The following CCNY variants were observed in gnomAD, a reference collection of about 807,000 sequenced individuals.
CCNY encodes cyclin-Y.
A neutral mutation model predicts 42.8 loss-of-function variants in CCNY; 19 were observed. The observed-to-expected ratio is 0.44, with a 90% CI of 0.31 to 0.65. The LOEUF is 0.65. Ranked by LOEUF, CCNY falls within the 30% of genes least tolerant of loss-of-function variation. The pLI is 0.07. For synonymous variants in CCNY, 165 were observed against 162.7 expected (o/e 1.01, Z -0.11); for missense variants, 370 against 437.3 (o/e 0.85, Z 1.37).
intron 1 of CCNY, among the ~76,000 whole-genome samples, chr10:35,338,813 A>T (rs1836110822): frequency 6.6e-6 from 1 of 152,214 alleles, no homozygotes; most frequent in Admixed American, 6.5e-5. Flanking sequence ...AAGAAAAAAA[A>T]GAAGATTTAC....
At chr10:35,541,030 G>T (rs112600231) in intron 7 of CCNY, among the ~76,000 whole-genome samples, 3 of 151,544 alleles carry the variant, frequency 2.0e-5, no homozygotes, top group African/African-American at 4.8e-5. Flanking sequence ...CTTTAATGTC[G>T]ATTACTTCCT....
chr10:35,476,040 G>A (rs1280147029), intron 1 of CCNY, among the ~76,000 whole-genome samples: 1 of 152,192 alleles, frequency 6.6e-6, no homozygotes, highest in East Asian at 1.9e-4. Context: ...AGGAGACAAG[G>A]CCATTACATA....
intron 1 of CCNY, among the ~76,000 whole-genome samples, chr10:35,352,658 C>T (rs748663079): frequency 6.6e-5 from 10 of 152,208 alleles, no homozygotes; most frequent in Non-Finnish European, 4.4e-5. Flanking sequence ...TTGGACCTTG[C>T]GCTTAAGGAC....
intron 1 of CCNY, among the ~76,000 whole-genome samples, chr10:35,401,810 G>T (rs1330576762): frequency 6.6e-6 from 1 of 152,228 alleles, no homozygotes; most frequent in South Asian, 2.1e-4. Flanking sequence ...TCTCAAGGGC[G>T]GGGAGAATTA....
At chr10:35,366,756 T>C (rs907089969) in intron 1 of CCNY, among the ~76,000 whole-genome samples, 9 of 152,216 alleles carry the variant, frequency 5.9e-5, no homozygotes, top group African/African-American at 1.9e-4. Context: ...ATATCTGCAC[T>C]GTCCAATGTG....
chr10:35,247,317 G>A (rs1343651013), intron 1 of CCNY, among the ~76,000 whole-genome samples: 3 of 152,218 alleles, frequency 2.0e-5, no homozygotes, highest in African/African-American at 7.2e-5. Flanking sequence ...AATAGGGCCA[G>A]GCACAGTGGC....
intron 3 of CCNY, among the ~76,000 whole-genome samples, chr10:35,291,166 C>T (rs1438878522): frequency 6.6e-6 from 1 of 152,042 alleles, no homozygotes; most frequent in Non-Finnish European, 1.5e-5. Context: ...CCACCACGCC[C>T]AGCTAATTTT....
At chr10:35,479,034 T>C (rs1352875574) in intron 1 of CCNY, among the ~76,000 whole-genome samples, 1 of 152,038 alleles carries the variant, frequency 6.6e-6, no homozygotes, top group Non-Finnish European at 1.5e-5. Flanking sequence ...ATCAGAGAAA[T>C]GCAAATCAAA....
At chr10:35,332,209 G>A (rs1007998195), upstream of CCNY, 1 of 152,148 alleles carries the variant, frequency 6.6e-6, no homozygotes, top group Non-Finnish European at 1.5e-5. Flanking sequence ...ATAAATGCTC[G>A]AGTAACCGTC....
chr10:35,366,122 A>G (rs945735931), intron 1 of CCNY, among the ~76,000 whole-genome samples: 2 of 152,264 alleles, frequency 1.3e-5, no homozygotes, highest in African/African-American at 4.8e-5. Context: ...CACGACAGAT[A>G]CCAATTTGCA....
chr10:35,261,178 G>A (rs1370462571), intron 3 of CCNY, among the ~76,000 whole-genome samples: 1 of 151,366 alleles, frequency 6.6e-6, no homozygotes, highest in African/African-American at 2.4e-5. Flanking sequence ...ATCGCTTGAG[G>A]TCAGCAGTTT....
chr10:35,300,211 C>G (rs1323369572), intron 3 of CCNY, among the ~76,000 whole-genome samples: 1 of 152,226 alleles, frequency 6.6e-6, no homozygotes, highest in African/African-American at 2.4e-5. Context: ...GTCTAGCTTA[C>G]TCATCTGTGG....
intron 8 of CCNY, among the ~76,000 whole-genome samples, chr10:35,557,191 G>A (rs1655286551): frequency 1.3e-5 from 2 of 152,108 alleles, no homozygotes; most frequent in East Asian, 1.9e-4. Context: ...AAAGTTAAAA[G>A]TATTCATTAG....
intron 1 of CCNY, among the ~76,000 whole-genome samples, chr10:35,457,353 T>C (rs1226535591): frequency 6.6e-6 from 1 of 152,202 alleles, no homozygotes; most frequent in Non-Finnish European, 1.5e-5. Context: ...CTTTCTTACT[T>C]GTGGTCATAT....
intron 3 of CCNY, among the ~76,000 whole-genome samples, chr10:35,515,758 A>G (rs1246910197): frequency 6.6e-6 from 1 of 152,194 alleles, no homozygotes; most frequent in African/African-American, 2.4e-5. Flanking sequence ...CCAGAAATCT[A>G]TTTAGTGTTC....
chr10:35,312,840 C>T (rs1420817618), intron 3 of CCNY, among the ~76,000 whole-genome samples: 2 of 144,368 alleles, frequency 1.4e-5, no homozygotes, highest in African/African-American at 5.1e-5. Flanking sequence ...TAGCCTCAAA[C>T]TCCTAGGCTC....
At chr10:35,449,713 T>C in intron 1 of CCNY, 1 of 982,606 alleles carries the variant, frequency 1.0e-6, no homozygotes, top group Non-Finnish European at 1.2e-6. Context: ...GGACCACAGG[T>C]CAGAGAGGTG....
intron 3 of CCNY, among the ~76,000 whole-genome samples, chr10:35,310,052 A>G (rs939738355): frequency 1.3e-5 from 2 of 152,120 alleles, no homozygotes; most frequent in Non-Finnish European, 2.9e-5. Context: ...CGCCCGCCTC[A>G]GCCTCCCAAA....
chr10:35,419,785 T>G (rs1285573958), intron 1 of CCNY, among the ~76,000 whole-genome samples: 4 of 152,150 alleles, frequency 2.6e-5, no homozygotes, highest in African/African-American at 9.7e-5. Flanking sequence ...TGTGTGTGTG[T>G]GGTATATAAT....
Sources: gnomAD v4.1 joint callset for allele counts (sites outside exome capture counted in the v4.1 genomes callset) on GRCh38, gnomAD v4.1.1 for gene constraint, MANE v1.5 for transcripts, NCBI Gene and HGNC (gene_info 2026-07-23, HGNC 2026-07-21) for gene names.